The following CNTN4 variants were observed in gnomAD, a reference collection of about 807,000 sequenced individuals.
CNTN4 encodes contactin-4.
In CNTN4, 77 loss-of-function variants were observed where a neutral mutation model predicts 122.5. That is an observed-to-expected ratio of 0.63 (90% CI 0.52 to 0.76). The LOEUF (loss-of-function observed/expected upper bound fraction) is 0.76, where lower values mean the gene tolerates loss of function less well. Among genes scored for constraint, CNTN4 ranks in the 30% least tolerant of loss-of-function variants. CNTN4 has a pLI of 0.00. For missense variants in CNTN4, 1,256 were observed against 1,259.1 expected, an observed-to-expected ratio of 1.00 and a Z score of 0.04; for synonymous variants, 512 against 447.0, an observed-to-expected ratio of 1.15 and a Z score of -1.83.
At chr3:2,987,368 T>A (rs1694677094) in intron 13 of CNTN4, among the ~76,000 whole-genome samples, 1 of 152,188 alleles carries the variant, frequency 6.6e-6, no homozygotes, top group African/African-American at 2.4e-5. Context: ...ATAATCGGAT[T>A]TAAATTTTAA....
intron 4 of CNTN4, among the ~76,000 whole-genome samples, chr3:2,707,969 C>T (rs1209645045): frequency 6.6e-6 from 1 of 152,084 alleles, no homozygotes; most frequent in African/African-American, 2.4e-5. Context: ...CTATTACTTC[C>T]CATAAGTCAT....
intron 24 of CNTN4, among the ~76,000 whole-genome samples, chr3:3,055,342 A>G (rs1430050438): frequency 6.6e-6 from 1 of 152,218 alleles, no homozygotes; most frequent in African/African-American, 2.4e-5. Context: ...AGATAGACTG[A>G]TGATTCCTGG....
chr3:2,389,727 G>T lies in CNTN4; in HGVS notation c.-89+50494G>T, dbSNP rs919946949. Among the ~76,000 whole-genome samples, 5 of 152,136 alleles carry T rather than the reference G, an allele frequency of 3.3e-5. No homozygotes were observed. The South Asian group carries it at 8.3e-4, about 25-fold the overall frequency. The stretch of plus-strand genomic sequence containing the variant: ...ACAGGAACTTTACAGTGAAGAAAAG[G>T]AACCTGGCAGATACCAACTGAATCA... On this transcript the variant is annotated intron_variant, in intron 3 of 24. Transcript: ENST00000418658.
chr3:2,316,748 A>G (rs892768549), intron 2 of CNTN4, among the ~76,000 whole-genome samples: 3 of 152,124 alleles, frequency 2.0e-5, no homozygotes, highest in African/African-American at 7.2e-5. Context: ...GCATGATTTG[A>G]TATGTTAAAA....
intron 4 of CNTN4, among the ~76,000 whole-genome samples, chr3:2,707,149 CA>C (rs1421633145): frequency 3.3e-5 from 5 of 150,128 alleles, no homozygotes; most frequent in Admixed American, 2.0e-4. Flanking sequence ...AAAAAAAATA[CA>C]AAAAAATTAG....
At chr3:2,523,542 C>G (rs1036212927) in intron 3 of CNTN4, among the ~76,000 whole-genome samples, 2 of 151,884 alleles carry the variant, frequency 1.3e-5, no homozygotes, top group African/African-American at 4.8e-5. Flanking sequence ...GTGGAAGGAT[C>G]TTTTCTGAAA....
At chr3:2,550,545 T>C (rs1250379318) in intron 3 of CNTN4, among the ~76,000 whole-genome samples, 1 of 152,176 alleles carries the variant, frequency 6.6e-6, no homozygotes, top group African/African-American at 2.4e-5. Context: ...AGTGTGGCGA[T>C]TCCTCAAGGA....
chr3:2,777,172 G>A (rs951667277), intron 6 of CNTN4, among the ~76,000 whole-genome samples: 1 of 152,108 alleles, frequency 6.6e-6, no homozygotes, highest in African/African-American at 2.4e-5. Flanking sequence ...AGGATCCTTT[G>A]TGCTTTCAGG....
At chr3:2,786,724 GGCTCA>G (rs1463436847) in intron 6 of CNTN4, among the ~76,000 whole-genome samples, 10 of 152,248 alleles carry the variant, frequency 6.6e-5, no homozygotes, top group African/African-American at 1.7e-4. Context: ...AGCCAAGAGT[GGCTCA>G]GCTTTCAAGA....
intron 2 of CNTN4, among the ~76,000 whole-genome samples, chr3:2,331,017 T>A (rs1184010000): frequency 6.6e-6 from 1 of 151,994 alleles, no homozygotes; most frequent in Non-Finnish European, 1.5e-5. Flanking sequence ...GAATGTAGAG[T>A]GACAAGTTTT....
At position 2,895,987 on chromosome 3, in the gene CNTN4, G is replaced by C. The variant is rs572059150; in HGVS notation, c.941-4698G>C. Among the ~76,000 whole-genome samples, 32 of 152,232 alleles carry C rather than the reference G, an allele frequency of 2.1e-4. No homozygotes were observed. The East Asian group carries it at 4.1e-3, about 19-fold the overall frequency. ...GGCAGAGTTTGCAGCGAGCCAAGAT[G>C]GCGCCACCGCACTCTGGTCTGGGCG... is the stretch of plus-strand genomic sequence containing the variant. On this transcript the variant is annotated intron_variant, in intron 10 of 24. Coordinates refer to ENST00000418658, the MANE Select transcript of CNTN4 (RefSeq NM_175607.3).
intron 7 of CNTN4, among the ~76,000 whole-genome samples, chr3:2,823,028 C>G (rs1053531960): frequency 2.0e-5 from 3 of 152,198 alleles, no homozygotes; most frequent in Non-Finnish European, 2.9e-5. Context: ...GCATCTCAGA[C>G]ATCCATCAGT....
intron 13 of CNTN4, among the ~76,000 whole-genome samples, chr3:2,944,582 C>T (rs2094654194): frequency 6.6e-6 from 1 of 152,076 alleles, no homozygotes; most frequent in Non-Finnish European, 1.5e-5. Flanking sequence ...CTACCGAAAA[C>T]ACAGCAAAGC....
intron 2 of CNTN4, among the ~76,000 whole-genome samples, chr3:2,153,500 G>A (rs1294206840): frequency 2.6e-5 from 4 of 152,192 alleles, no homozygotes; most frequent in Non-Finnish European, 2.9e-5. Flanking sequence ...GTGCAAGCCT[G>A]ATTAGAGTGA....
intron 2 of CNTN4, among the ~76,000 whole-genome samples, chr3:2,116,378 A>G (rs562922051): frequency 1.3e-5 from 2 of 152,252 alleles, no homozygotes; most frequent in Non-Finnish European, 1.5e-5. Context: ...ATGGGACTAA[A>G]TATAAACTCT....
intron 4 of CNTN4, among the ~76,000 whole-genome samples, chr3:2,691,159 G>T (rs769543997): frequency 6.6e-5 from 10 of 152,112 alleles, no homozygotes; most frequent in Non-Finnish European, 1.5e-4. Context: ...GCATATCTCA[G>T]TTTCAGTTCT....
chr3:2,140,024 C>T (rs964309080), intron 2 of CNTN4, among the ~76,000 whole-genome samples: 1 of 152,172 alleles, frequency 6.6e-6, no homozygotes, highest in South Asian at 2.1e-4. Context: ...ATAGCAAATG[C>T]GTCTCACAGG....
chr3:2,321,960 G>T (rs2043289926), intron 2 of CNTN4, among the ~76,000 whole-genome samples: 1 of 152,014 alleles, frequency 6.6e-6, no homozygotes. Context: ...AGGCACTGTG[G>T]GAAACCACAA....
chr3:3,046,283 C>CAAAG lies in CNTN4; in HGVS notation c.2811+2581_2811+2584dup, dbSNP rs1700642717. Among the ~76,000 whole-genome samples, 3 of 152,246 alleles carry CAAAG rather than the reference C, an allele frequency of 2.0e-5. No homozygotes were observed. The South Asian group carries it at 6.2e-4, about 32-fold the overall frequency. On this transcript the variant is annotated intron_variant, in intron 23 of 24. Transcript: ENST00000418658. ...AATTCAGGAAATACAGAGAATGCCA[C>CAAAG]AAAGATAGTCCTCGAGAAGAGCAAC... is the stretch of plus-strand genomic sequence containing the variant.
Sources: allele counts gnomAD v4.1 joint callset (sites outside exome capture counted in the v4.1 genomes callset), GRCh38; gene constraint gnomAD v4.1.1; transcripts MANE v1.5; gene names NCBI Gene and HGNC (gene_info 2026-07-23, HGNC 2026-07-21).